Variants in KCND2 observed in about 807,000 individuals in gnomAD.
KCND2 encodes the protein A-type voltage-gated potassium channel KCND2.
A neutral mutation model predicts 54.4 loss-of-function variants in KCND2; 16 were observed. The ratio of observed to expected loss-of-function variants is 0.29; its 90% CI spans 0.20 to 0.45. The LOEUF (loss-of-function observed/expected upper bound fraction) is 0.45, where lower values mean the gene tolerates loss of function less well. Among genes scored for constraint, KCND2 ranks in the 20% least tolerant of loss-of-function variants. The pLI is 1.00. For missense variants in KCND2, 486 were observed against 824.2 expected, an observed-to-expected ratio of 0.59 and a Z score of 5.02; for synonymous variants, 317 against 310.7, an observed-to-expected ratio of 1.02 and a Z score of -0.21.
chr7:120,743,338 T>C (rs970137519), intron 4 of KCND2, among the ~76,000 whole-genome samples: 15 of 152,320 alleles, frequency 9.8e-5, no homozygotes, highest in African/African-American at 3.6e-4. Context: ...TTCCAAAGTA[T>C]TGCCTGTTCA....
chr7:120,313,473 A>G (rs1008259907), intron 1 of KCND2, among the ~76,000 whole-genome samples: 2 of 152,172 alleles, frequency 1.3e-5, no homozygotes, highest in Non-Finnish European at 2.9e-5. Context: ...TTTTAAAACT[A>G]CATTGTGATA....
intron 1 of KCND2, among the ~76,000 whole-genome samples, chr7:120,724,580 G>A (rs1411031317): frequency 1.3e-5 from 2 of 152,186 alleles, no homozygotes; most frequent in African/African-American, 4.8e-5. Context: ...AAGAGCTGTG[G>A]TTATCATGCT....
At chr7:120,609,427 A>T (rs1295765158) in intron 1 of KCND2, among the ~76,000 whole-genome samples, 1 of 152,132 alleles carries the variant, frequency 6.6e-6, no homozygotes, top group Non-Finnish European at 1.5e-5. Context: ...AGAGTTACTG[A>T]GGCTTTGCCA....
At chr7:120,633,371 A>G (rs1793262772) in intron 1 of KCND2, among the ~76,000 whole-genome samples, 2 of 152,324 alleles carry the variant, frequency 1.3e-5, no homozygotes, top group South Asian at 2.1e-4. Context: ...ATGGACTGCA[A>G]TACTGAGACA....
chr7:120,671,387 C>G (rs1050550885), intron 1 of KCND2, among the ~76,000 whole-genome samples: 2 of 151,996 alleles, frequency 1.3e-5, no homozygotes, highest in Non-Finnish European at 1.5e-5. Context: ...CTCATACGCC[C>G]GCTGCTCCTC....
At chr7:120,724,980 C>T (rs1030027904) in intron 1 of KCND2, among the ~76,000 whole-genome samples, 8 of 152,040 alleles carry the variant, frequency 5.3e-5, no homozygotes, top group Non-Finnish European at 1.0e-4. Flanking sequence ...GTAAAAAACA[C>T]TTCATTAGAA....
intron 1 of KCND2, among the ~76,000 whole-genome samples, chr7:120,483,157 C>T (rs1802631142): frequency 6.6e-6 from 1 of 152,148 alleles, no homozygotes; most frequent in South Asian, 2.1e-4. Flanking sequence ...ATGGACTGAA[C>T]TTCAAAAACA....
intron 1 of KCND2, among the ~76,000 whole-genome samples, chr7:120,721,714 G>C (rs531560713): frequency 3.2e-4 from 48 of 152,198 alleles, no homozygotes; most frequent in African/African-American, 1.0e-3. Context: ...CTTTGGAATC[G>C]TTAGCAGGGA....
At chr7:120,528,712 G>A (rs1269172184) in intron 1 of KCND2, among the ~76,000 whole-genome samples, 1 of 152,116 alleles carries the variant, frequency 6.6e-6, no homozygotes, top group East Asian at 1.9e-4. Context: ...CATGGCTACA[G>A]TATAACAAAA....
At chr7:120,671,254 G>C (rs1195601750) in intron 1 of KCND2, among the ~76,000 whole-genome samples, 1 of 151,986 alleles carries the variant, frequency 6.6e-6, no homozygotes, top group Non-Finnish European at 1.5e-5. Flanking sequence ...TTTTCATTAG[G>C]AGCATGCAAC....
chr7:120,627,156 C>G (rs369414388), intron 1 of KCND2, among the ~76,000 whole-genome samples: 2 of 152,164 alleles, frequency 1.3e-5, no homozygotes, highest in Admixed American at 6.5e-5. Context: ...TTCCACAAAC[C>G]CTTATTAAGC....
At chr7:120,677,554 T>G (rs200071178) in intron 1 of KCND2, among the ~76,000 whole-genome samples, 18,521 of 100,490 alleles carry the variant, frequency 0.18, 1,570 homozygotes, top group East Asian at 0.42. Context: ...TATAGATATA[T>G]AGATATATAG....
At chr7:120,736,951 A>G (rs969241446) in intron 2 of KCND2, among the ~76,000 whole-genome samples, 3 of 151,504 alleles carry the variant, frequency 2.0e-5, no homozygotes, top group Non-Finnish European at 4.4e-5. Context: ...TTAGAAAGAC[A>G]CTACCCATAT....
At chr7:120,291,641 G>T (rs377732790) in intron 1 of KCND2, among the ~76,000 whole-genome samples, 5 of 151,822 alleles carry the variant, frequency 3.3e-5, no homozygotes, top group East Asian at 1.9e-4. Flanking sequence ...AGATATAAGG[G>T]ATTAAGTTAT....
At chr7:120,504,467 A>G (rs182143314) in intron 1 of KCND2, among the ~76,000 whole-genome samples, 1 of 152,028 alleles carries the variant, frequency 6.6e-6, no homozygotes, top group Admixed American at 6.6e-5. Context: ...TTCTTATTGT[A>G]AATACCTAAA....
At chr7:120,506,602 GT>G (rs1435716539) in intron 1 of KCND2, among the ~76,000 whole-genome samples, 6 of 151,886 alleles carry the variant, frequency 4.0e-5, no homozygotes, top group African/African-American at 1.4e-4. Flanking sequence ...GTCTATGGAA[GT>G]CATGGAAACA....
intron 1 of KCND2, among the ~76,000 whole-genome samples, chr7:120,506,255 G>A (rs533037912): frequency 1.3e-5 from 2 of 151,668 alleles, no homozygotes; most frequent in Non-Finnish European, 3.0e-5. Context: ...TATGCTAGAT[G>A]GTGGGTACAC....
chr7:120,397,235 T>C (rs939627664), intron 1 of KCND2, among the ~76,000 whole-genome samples: 1 of 152,052 alleles, frequency 6.6e-6, no homozygotes, highest in Non-Finnish European at 1.5e-5. Flanking sequence ...TCCATTAAAC[T>C]CATTCATCAA....
At chr7:120,637,421 T>A (rs1793319118) in intron 1 of KCND2, among the ~76,000 whole-genome samples, 1 of 152,120 alleles carries the variant, frequency 6.6e-6, no homozygotes. Context: ...AAATAGATAA[T>A]GGATTTTAAA....
Sources: allele counts gnomAD v4.1 joint callset (sites outside exome capture counted in the v4.1 genomes callset), GRCh38; gene constraint gnomAD v4.1.1; transcripts MANE v1.5; gene names NCBI Gene and HGNC (gene_info 2026-07-23, HGNC 2026-07-21).